The following F5 variants were observed in gnomAD, a reference collection of about 807,000 sequenced individuals.
F5 encodes the protein coagulation factor V.
F5 carries 138 observed loss-of-function variants against 216.4 expected under a neutral mutation model. The observed-to-expected ratio is 0.64, with a 90% CI of 0.56 to 0.73. F5 has a LOEUF of 0.73. F5 is among the 30% of genes least tolerant of loss of function. The pLI, the probability that F5 is intolerant of heterozygous loss-of-function variation, is 0.00. For synonymous variants in F5, 916 were observed against 930.7 expected (o/e 0.98, Z 0.29); for missense variants, 2,403 against 2,674.0 (o/e 0.90, Z 2.24).
At chr1:169,550,296 C>A (rs1333054875) in intron 9 of F5, among the ~76,000 whole-genome samples, 8 of 137,432 alleles carry the variant, frequency 5.8e-5, no homozygotes, top group South Asian at 2.7e-4. Context: ...CCACCCCCCC[C>A]CCCCGACAGG....
rs1022093712 is a variant in F5 at position 169,518,681 on chromosome 1, C to T, written c.6194-118G>A. On this transcript the variant is annotated intron_variant, in intron 22 of 24. Coordinates refer to ENST00000367797, the MANE Select transcript of F5 (RefSeq NM_000130.5). ...CAACAAATGACAAAAACAATAACCA[C>T]AACAATGAAGATTTATTGAATCCAA... 13 of 1,126,298 alleles carry T rather than the reference C, an allele frequency of 1.2e-5. No individual in the cohort carries two copies. The African/African-American group carries it at 1.7e-4, about 15-fold the overall frequency. 69.8% of individuals were successfully genotyped at this position (1,126,298 alleles called of 1,614,324 possible).
At chr1:169,527,121 C>T (rs974423291) in intron 17 of F5, among the ~76,000 whole-genome samples, 35 of 152,074 alleles carry the variant, frequency 2.3e-4, no homozygotes, top group Admixed American at 1.5e-3. Flanking sequence ...ACTATAATTG[C>T]GGTTTTTGCC....
chr1:169,520,677 AG>A lies in F5; in HGVS notation c.6049-14del, dbSNP rs1458343173. On this transcript the variant is annotated splice_polypyrimidine_tract_variant and intron_variant, in intron 21 of 24. Transcript: ENST00000367797. ...TGCCATTAAAATACTAGAAGAAAAG[AG>A]GAAAGTTTAGTTATGTAACAATGAT... 1.2e-6 allele frequency: 2 copies of A among 1,610,306 alleles called. No homozygotes were observed. The highest frequency in any genetic ancestry group is 1.7e-6 in the Non-Finnish European group (2 of 1,176,870).
Position 169,540,312 on chromosome 1 carries a change from T to A in F5, c.4778A>T (p.Tyr1593Phe), listed in dbSNP as rs1316239090. ...YIAAEEISWDYSEFVQRETDI... is the reference protein window; with the variant it reads ...YIAAEEISWDFSEFVQRETDI... ...GCCAAACCTTTGTACAAATTCTGAA[T>A]AATCCCAGGATATTTCTTCAGCAGC... Residue 1593 changes from tyrosine to phenylalanine, a missense_variant, in exon 13 of 25, where the codon TAT (tyrosine) becomes TTT (phenylalanine). Physicochemically the swap from Tyr to Phe is conservative, Grantham distance 22. Around this residue, in one of 4 missense-constraint regions of F5, gnomAD observed 659 missense variants for 787.9 expected, o/e 0.84. Transcript: ENST00000367797. 4 of 1,613,788 alleles carry A rather than the reference T, an allele frequency of 2.5e-6. No individual in the cohort carries two copies. In the African/African-American group the frequency reaches 5.3e-5, roughly 22 times the overall value.
In F5 at chr1:169,541,491, C is replaced by A. The variant is rs769509052; in HGVS notation, c.3599G>T (p.Ser1200Ile). ...GAGGTCTGGAGAGAGGTTTGTCTGG[C>A]TGAGTTCTGGAGAGAGGGTCACCTG... ...LSQVTLSPEL[S>I]QTNLSPDLSH... Residue 1200 changes from serine (S) to isoleucine (I), a missense_variant, in exon 13 of 25, where the codon AGC becomes ATC. By Grantham distance (142) the Ser-to-Ile change is moderately radical. Coordinates refer to ENST00000367797, the MANE Select transcript of F5 (RefSeq NM_000130.5). 1.2e-6 allele frequency: 2 copies of A among 1,614,068 alleles called. No individual in the cohort carries two copies. Among genetic ancestry groups the A allele is most frequent in the Non-Finnish European group, 1.7e-6 (2 of 1,180,014 alleles).
At position 169,523,162 on chromosome 1, in the gene F5, A is replaced by T. The variant is rs189251520; in HGVS notation, c.6048+35T>A. On this transcript the variant is annotated intron_variant, in intron 21 of 24. Coordinates refer to ENST00000367797, the MANE Select transcript of F5 (RefSeq NM_000130.5). ...CATAATAATTCTAGGCCAAGTCTAG[A>T]GTCTAGAGATTCAGATAGAAATATG... 9 of 1,611,236 alleles carry T rather than the reference A, an allele frequency of 5.6e-6. No homozygotes were observed. In the East Asian group the frequency reaches 1.8e-4, roughly 32 times the overall value.
chr1:169,514,179 T>C lies in F5; in HGVS notation c.*134A>G. 1 of 910,542 alleles carries C rather than the reference T, an allele frequency of 1.1e-6. No homozygotes were observed. Among genetic ancestry groups the C allele is most frequent in the South Asian group, 1.5e-5 (1 of 65,710 alleles). The allele number at this position is 910,542 out of a possible 1,614,324, so 56.4% of individuals were successfully genotyped here. A position where few individuals can be genotyped will look rare whatever the true frequency, so the allele number is the denominator to read the frequency against. ...CATTATAAAAGCTTCTTGTATAAAA[T>C]TTTATTCACTAATAGAAAAGAAAGA... On this transcript the variant is annotated 3_prime_UTR_variant, in exon 25 of 25. Coordinates refer to ENST00000367797, the MANE Select transcript of F5 (RefSeq NM_000130.5).
In F5 at chr1:169,525,892, T is replaced by C. The variant is rs374501706; in HGVS notation, c.5716+9A>G. On this transcript the variant is annotated intron_variant, in intron 18 of 24. Transcript: ENST00000367797. ...TGCCAAACCAAATATCACATGGCTC[T>C]TGTGATACCTCTGTCCATGATAAGA... is the stretch of plus-strand genomic sequence containing the variant. 7.6e-6 allele frequency: 12 copies of C among 1,583,506 alleles called. No individual in the cohort carries two copies. The highest frequency in any genetic ancestry group is 1.0e-5 in the Non-Finnish European group (12 of 1,152,398).
Position 169,541,115 on chromosome 1 carries a change from G to A in F5, c.3975C>T (p.Leu1325=). ...AGTCTAGAGAAAGGGTTGTATGGCT[G>A]AGGTCTGGAGAAATGGGCATCTGAC... The part of the protein sequence containing the change: ...ALGQMPISPD[L]SHTTLSLDFS... The change falls in exon 13 of 25, where the codon CTC becomes CTT. Residue 1325 remains leucine, a synonymous_variant. Transcript: ENST00000367797. 1.3e-6 allele frequency: 2 copies of A among 1,557,122 alleles called. No homozygotes were observed. Among genetic ancestry groups the A allele is most frequent in the Non-Finnish European group, 1.7e-6 (2 of 1,148,176 alleles).
intron 10 of F5, among the ~76,000 whole-genome samples, chr1:169,549,062 C>T (rs1660093712): frequency 6.6e-6 from 1 of 152,192 alleles, no homozygotes; most frequent in Non-Finnish European, 1.5e-5. Flanking sequence ...TGTTTCCTTT[C>T]CTAGCTCAAT....
chr1:169,544,180 C>A (rs1051005051), intron 12 of F5, 116 bp downstream of exon 12: 11 of 800,610 alleles, frequency 1.4e-5, no homozygotes, highest in East Asian at 7.8e-5. Flanking sequence ...GAAAAGCCTG[C>A]AGGGGGTCAG....
In F5 at chr1:169,552,589, T is replaced by C. The variant is rs1660198313; in HGVS notation, c.1264A>G (p.Ile422Val). 1.2e-6 allele frequency: 2 copies of C among 1,613,822 alleles called. No homozygotes were observed. Among genetic ancestry groups the C allele is most frequent in the Non-Finnish European group, 8.5e-7 (1 of 1,179,828 alleles). ...NMKEDGILGP[I>V]IRAQVRDTLK... ...GTGTCTCTGACCTGGGCTCTGATAA[T>C]AGGACCCAAAATCCCATCTTCTTTC... Residue 422 changes from isoleucine to valine, a missense_variant, in exon 8 of 25, where the codon ATT (isoleucine) becomes GTT (valine). Transcript: ENST00000367797.
intron 3 of F5, among the ~76,000 whole-genome samples, chr1:169,561,386 C>G (rs1368239072): frequency 1.3e-5 from 2 of 152,012 alleles, no homozygotes; most frequent in African/African-American, 2.4e-5. Flanking sequence ...TTACTTTGTA[C>G]TTTGTGCACC....
rs781022702 is a variant in F5 at position 169,541,484 on chromosome 1, T to C, written c.3606A>G (p.Thr1202=). Residue 1202 remains threonine, a synonymous_variant, in exon 13 of 25, where the codon ACA becomes ACG. Transcript: ENST00000367797. ...TGTGGCTGAGGTCTGGAGAGAGGTTTGTCTGGCTGAGTTCTGGAGAGAGGG... is the reference window on the plus strand; with the variant it reads ...TGTGGCTGAGGTCTGGAGAGAGGTTCGTCTGGCTGAGTTCTGGAGAGAGGG... The part of the protein sequence containing the change: ...QVTLSPELSQ[T]NLSPDLSHTT... 1.1e-5 allele frequency: 18 copies of C among 1,613,942 alleles called. No individual in the cohort carries two copies. The highest frequency in any genetic ancestry group is 1.7e-5 in the Admixed American group (1 of 59,992).
Position 169,542,971 on chromosome 1 carries a change from G to A in F5, c.2119C>T (p.Arg707Trp), listed in dbSNP as rs139222212. ...EPPESTVMATRKMHDRLEPED... is the reference protein window; with the variant it reads ...EPPESTVMATWKMHDRLEPED... ...GGTTCTAAACGATCATGCATTTTCCGTGTAGCCATGACTGTAGATTCTGGA... is the reference window on the plus strand; with the variant it reads ...GGTTCTAAACGATCATGCATTTTCCATGTAGCCATGACTGTAGATTCTGGA... Residue 707 changes from arginine to tryptophan, a missense_variant, in exon 13 of 25, where the codon CGG becomes TGG. By Grantham distance (101) the Arg-to-Trp change is moderately radical. Around this residue, in one of 4 missense-constraint regions of F5, gnomAD observed 1,425 missense variants for 1,554.8 expected, o/e 0.92. Transcript: ENST00000367797. 106 of 1,613,972 alleles carry A rather than the reference G, an allele frequency of 6.6e-5. No homozygotes were observed. The highest frequency in any genetic ancestry group is 3.0e-4 in the Admixed American group (18 of 59,992).
intron 5 of F5, among the ~76,000 whole-genome samples, chr1:169,558,934 T>C (rs9332690): frequency 1.2e-3 from 182 of 152,100 alleles, no homozygotes; most frequent in Non-Finnish European, 2.2e-3. Context: ...TGAAACCTAC[T>C]CAGGTCACTA....
chr1:169,553,125 A>G (rs1660212213), intron 7 of F5, among the ~76,000 whole-genome samples: 1 of 152,222 alleles, frequency 6.6e-6, no homozygotes, highest in Non-Finnish European at 1.5e-5. Flanking sequence ...GTATTTCTTA[A>G]TCCCTAAAAG....
rs754104110 is a variant in F5, at chr1:169,515,102, T to G, written c.6528+342A>C. On this transcript the variant is annotated intron_variant, in intron 24 of 24. Coordinates refer to ENST00000367797, the MANE Select transcript of F5 (RefSeq NM_000130.5). ...ACCATGCATTTTAATTTATTTATTCTTGTTGGCATGTACCTTATATCCTCA... is the reference window on the plus strand; with the variant it reads ...ACCATGCATTTTAATTTATTTATTCGTGTTGGCATGTACCTTATATCCTCA... Among the ~76,000 whole-genome samples the G allele has an allele frequency of 5.9e-5, 9 of 152,296 alleles. No individual in the cohort carries two copies. In the South Asian group the frequency reaches 8.3e-4, roughly 14 times the overall value.
chr1:169,531,158 T>C (rs1659588978), intron 14 of F5, 136 bp from the exon 15 acceptor site: 4 of 685,752 alleles, frequency 5.8e-6, no homozygotes, highest in South Asian at 5.1e-5. Context: ...CTTATGTATA[T>C]TATTTCATTT....
Sources: allele counts gnomAD v4.1 joint callset (sites outside exome capture counted in the v4.1 genomes callset), GRCh38; gene constraint gnomAD v4.1.1; regional missense constraint gnomAD v4.1.1; transcripts MANE v1.5; gene names NCBI Gene and HGNC (gene_info 2026-07-23, HGNC 2026-07-21).